CACNA1B: variants seen among roughly 807,000 people sequenced by gnomAD.
CACNA1B encodes the protein voltage-dependent N-type calcium channel subunit alpha-1B.
A neutral mutation model predicts 247.2 loss-of-function variants in CACNA1B; 70 were observed. That is an observed-to-expected ratio of 0.28 (90% confidence interval 0.23 to 0.35). CACNA1B has a LOEUF of 0.35. Among genes scored for constraint, CACNA1B ranks in the 10% least tolerant of loss-of-function variants. The pLI, the probability that CACNA1B is intolerant of heterozygous loss-of-function variation, is 1.00. For missense variants in CACNA1B, 2,367 were observed against 3,197.4 expected (o/e 0.74, Z 6.26); for synonymous variants, 1,231 against 1,294.4 (o/e 0.95, Z 1.05).
rs762252081 is a variant in CACNA1B at position 138,115,626 on chromosome 9, C to T, written c.5724C>T (p.Ala1908=). The part of the protein sequence containing the change: ...EQTQPAVLRG[A]RVFLRQKSST... Reference sequence around the variant, plus strand: ...CACAGCCGGCTGTGCTCCGAGGAGCCCGGGTTTTCCTTCGACAGAAGAGTT... The same window carrying T: ...CACAGCCGGCTGTGCTCCGAGGAGCTCGGGTTTTCCTTCGACAGAAGAGTT... Residue 1908 remains alanine (A), a synonymous_variant, in exon 42 of 47, where the codon GCC becomes GCT. Transcript: ENST00000371372. The T allele has an allele frequency of 6.2e-7, 1 of 1,613,770 alleles. No homozygotes were observed. Among genetic ancestry groups the T allele is most frequent in the Admixed American group, 1.7e-5 (1 of 60,008 alleles).
In CACNA1B at chr9:138,059,194, G is replaced by A. The variant is rs748222308; in HGVS notation, c.4584+5G>A. ...ATCATCGCCTTTGGGGTGCTGGTAC[G>A]TGCTTTGGTCCCTGCTTTGCCTTTT... On this transcript the variant is annotated splice_donor_5th_base_variant and intron_variant, in intron 30 of 46. Transcript: ENST00000371372. This position sits in a 1 kb window ranked among gnomAD's most constrained non-coding sequence, Gnocchi z 4.2. 11 of 1,568,368 alleles carry A rather than the reference G, an allele frequency of 7.0e-6. No homozygotes were observed. The highest frequency in any genetic ancestry group is 2.2e-5 in the South Asian group (2 of 89,792).
In CACNA1B at chr9:138,051,895, C is replaced by T. The variant is rs774980051; in HGVS notation, c.3711-197C>T. On this transcript the variant is annotated intron_variant, in intron 24 of 46. Transcript: ENST00000371372. The surrounding 1 kb of genome is among the most constrained non-coding windows in gnomAD (Gnocchi z 4.3). ...CCAGCTCCTGTCCTTAGATGAGGCCCGGGCCAGGCAGCCCCTGGGAAGAGT... is the reference window on the plus strand; with the variant it reads ...CCAGCTCCTGTCCTTAGATGAGGCCTGGGCCAGGCAGCCCCTGGGAAGAGT... Among the ~76,000 whole-genome samples the T allele has an allele frequency of 1.3e-4, 20 of 152,104 alleles. No homozygotes were observed. Among genetic ancestry groups the T allele is most frequent in the Non-Finnish European group, 2.2e-4 (15 of 68,008 alleles).
Position 137,917,458 on chromosome 9 carries a change from G to GCCCTCAGGCCC in CACNA1B, c.966+27_966+28insCCCTCAGGCCC. 1.2e-6 allele frequency: 2 copies of GCCCTCAGGCCC among 1,603,214 alleles called. No individual in the cohort carries two copies. The highest frequency in any genetic ancestry group is 1.7e-6 in the Non-Finnish European group (2 of 1,173,062). ...TGAGTGGCGTCTTGGCCCTGGGCCT[G>GCCCTCAGGCCC]AGGGCAGGCCCTGGACCTCCTGAGC... On this transcript the variant is annotated intron_variant, in intron 6 of 46. Coordinates refer to ENST00000371372, the MANE Select transcript of CACNA1B (RefSeq NM_000718.4). The surrounding 1 kb of genome is among the most constrained non-coding windows in gnomAD (Gnocchi z 5.5).
intron 36 of CACNA1B, among the ~76,000 whole-genome samples, chr9:138,086,330 A>G (rs938562808): frequency 7.3e-5 from 11 of 151,416 alleles, no homozygotes; most frequent in African/African-American, 2.7e-4. Context: ...CAGGAGTGCT[A>G]TACTTACATC....
Position 138,046,997 on chromosome 9 carries a change from T to C in CACNA1B, c.3507T>C (p.Ala1169=). ...VIALSSIALA[A]EDPVRTDSPR... ...CCTTGAGCAGCATCGCCCTGGCTGC[T>C]GAGGACCCAGTGCGCACAGACTCGC... The change falls in exon 22 of 47, where the codon GCT becomes GCC. Residue 1169 remains alanine, a synonymous_variant. Coordinates refer to ENST00000371372, the MANE Select transcript of CACNA1B (RefSeq NM_000718.4). The C allele has an allele frequency of 6.2e-7, 1 of 1,613,496 alleles. No homozygotes were observed. Among genetic ancestry groups the C allele is most frequent in the Non-Finnish European group, 8.5e-7 (1 of 1,179,646 alleles).
In CACNA1B at chr9:138,003,319, C is replaced by A. The variant is rs12339596; in HGVS notation, c.1975-3448C>A. 4.0e-3 allele frequency among the ~76,000 whole-genome samples: 602 copies of A among 151,226 alleles called. 4 individuals carry two copies. The highest frequency in any genetic ancestry group is 6.1e-3 in the Non-Finnish European group (412 of 67,686). On this transcript the variant is annotated intron_variant, in intron 15 of 46. Transcript: ENST00000371372. Reference sequence around the variant, plus strand: ...TTCTGAGTAGCTGGGACTACAGGTGCGCACTACCACACCTAGCTCATTAAA... The same window carrying A: ...TTCTGAGTAGCTGGGACTACAGGTGAGCACTACCACACCTAGCTCATTAAA...
rs371721476 is a variant in CACNA1B, at chr9:137,971,513, G to A, written c.1464G>A (p.Val488=). The stretch of plus-strand genomic sequence containing the variant: ...AGGCTCAGAGCTTCTACTGGGTGGT[G>A]CTGTGCGTGGTGGCCCTGAACACAC... The part of the protein sequence containing the change: ...MVKAQSFYWV[V]LCVVALNTLC... The change falls in exon 11 of 47, where the codon GTG becomes GTA. Residue 488 remains valine, a synonymous_variant. Coordinates refer to ENST00000371372, the MANE Select transcript of CACNA1B (RefSeq NM_000718.4). The surrounding 1 kb of genome is among the most constrained non-coding windows in gnomAD (Gnocchi z 4.4). 4.3e-6 allele frequency: 7 copies of A among 1,613,780 alleles called. No individual in the cohort carries two copies. The highest frequency in any genetic ancestry group is 4.5e-5 in the East Asian group (2 of 44,876).
At chr9:137,951,193 C>A (rs1408906858) in intron 6 of CACNA1B, among the ~76,000 whole-genome samples, 1 of 152,206 alleles carries the variant, frequency 6.6e-6, no homozygotes, top group Admixed American at 6.5e-5. Context: ...ATTCTAGGAA[C>A]ATGAACTGCA....
At chr9:138,028,036 TTTTTTTTTTTTTTTTG>T (rs1958943178) in intron 20 of CACNA1B, among the ~76,000 whole-genome samples, 1 of 136,344 alleles carries the variant, frequency 7.3e-6, no homozygotes, top group Non-Finnish European at 1.6e-5. Context: ...TTTTTTTTTT[TTTTTTTTTTTTTTTTG>T]AGACTGAGCC....
chr9:137,947,550 C>T (rs1233971363), intron 6 of CACNA1B, among the ~76,000 whole-genome samples: 1 of 152,176 alleles, frequency 6.6e-6, no homozygotes, highest in Admixed American at 6.5e-5. Context: ...TTCCTTCCTT[C>T]CTAATAGTGA....
At chr9:138,078,072 C>T (rs1397023443) in intron 35 of CACNA1B, 42 bp from the exon 36 acceptor site, 1 of 1,601,174 alleles carries the variant, frequency 6.2e-7, no homozygotes, top group African/African-American at 1.3e-5. Context: ...CGGGCTCCCT[C>T]AAGGGCCTCT....
In CACNA1B at chr9:138,081,624, T is replaced by C. The variant is rs1351587836; in HGVS notation, c.5094+3366T>C. ...TGACAGCCTGCTGATAATCACTGAG[T>C]CAGGCACTATGCAGGGTCTTATGAA... On this transcript the variant is annotated intron_variant, in intron 36 of 46. Coordinates refer to ENST00000371372, the MANE Select transcript of CACNA1B (RefSeq NM_000718.4). Among the ~76,000 whole-genome samples, 2 of 150,944 alleles carry C rather than the reference T, an allele frequency of 1.3e-5. 1 individual carries two copies. The highest frequency in any genetic ancestry group is 4.9e-5 in the African/African-American group (2 of 40,678).
intron 38 of CACNA1B, among the ~76,000 whole-genome samples, chr9:138,103,927 G>GC (rs1255412182): frequency 6.6e-6 from 1 of 152,218 alleles, no homozygotes; most frequent in Non-Finnish European, 1.5e-5. Flanking sequence ...CTCAGCCCCT[G>GC]CCCTGCCCCT....
chr9:137,946,918 T>C (rs1957803954), intron 6 of CACNA1B, among the ~76,000 whole-genome samples: 1 of 152,212 alleles, frequency 6.6e-6, no homozygotes, highest in South Asian at 2.1e-4. Flanking sequence ...TCCAGGTTCT[T>C]GGCATTTTGA....
intron 6 of CACNA1B, among the ~76,000 whole-genome samples, chr9:137,945,863 G>A (rs1375038955): frequency 2.0e-5 from 3 of 151,990 alleles, no homozygotes; most frequent in African/African-American, 2.4e-5. Flanking sequence ...TCATATTCCA[G>A]GCTGGAGTGC....
At chr9:138,005,703 A>G (rs1958638508) in intron 15 of CACNA1B, among the ~76,000 whole-genome samples, 1 of 152,268 alleles carries the variant, frequency 6.6e-6, no homozygotes, top group Admixed American at 6.5e-5. Flanking sequence ...GTATCAAAAT[A>G]CCACAAGTAC....
chr9:138,023,260 G>C lies in CACNA1B; in HGVS notation c.2517G>C (p.Ala839=). The stretch of plus-strand genomic sequence containing the variant: ...GAGGCAAAGCCCGACCTGAGGCTGC[G>C]GAGGCCCCCGAGGGCGTCGACCCTC... ...PVGGKARPEA[A]EAPEGVDPPR... Residue 839 remains alanine, a synonymous_variant, in exon 19 of 47, where the codon GCG becomes GCC. Coordinates refer to ENST00000371372, the MANE Select transcript of CACNA1B (RefSeq NM_000718.4). 1 of 1,515,078 alleles carries C rather than the reference G, an allele frequency of 6.6e-7. No individual in the cohort carries two copies. The allele number at this position is 1,515,078 out of a possible 1,614,324, so 93.9% of individuals were successfully genotyped here.
chr9:138,027,499 A>G (rs1958936037), intron 20 of CACNA1B, among the ~76,000 whole-genome samples: 2 of 152,194 alleles, frequency 1.3e-5, no homozygotes, highest in South Asian at 4.1e-4. Context: ...TCACTATCAG[A>G]TAACAATGGA....
At chr9:137,995,766 C>T (rs1337818494) in intron 15 of CACNA1B, among the ~76,000 whole-genome samples, 2 of 152,124 alleles carry the variant, frequency 1.3e-5, no homozygotes, top group Admixed American at 1.3e-4. Flanking sequence ...AAAATTTTCA[C>T]AATCAATACA....
Sources: allele counts gnomAD v4.1 joint callset (sites outside exome capture counted in the v4.1 genomes callset), GRCh38; gene constraint gnomAD v4.1.1; non-coding constraint Gnocchi (gnomAD v3.1); transcripts MANE v1.5; gene names NCBI Gene and HGNC (gene_info 2026-07-23, HGNC 2026-07-21).